The following TENM2 variants were observed in gnomAD, a reference collection of about 807,000 sequenced individuals.
The protein encoded by TENM2 is teneurin-2.
Under a neutral mutation model 245.2 loss-of-function variants are expected in TENM2, and 52 were observed. That is an observed-to-expected ratio of 0.21 (90% CI 0.17 to 0.27). The LOEUF (loss-of-function observed/expected upper bound fraction) is 0.27. Ranked by LOEUF, TENM2 falls within the 10% of genes least tolerant of loss-of-function variation. The pLI, the probability that TENM2 is intolerant of heterozygous loss-of-function variation, is 1.00. For synonymous variants in TENM2, 1,363 were observed against 1,438.9 expected (o/e 0.95, Z 1.19); for missense variants, 3,046 against 3,666.8 (o/e 0.83, Z 4.37).
At chr5:168,084,221 G>A (rs916203068) in intron 7 of TENM2, among the ~76,000 whole-genome samples, 3 of 152,212 alleles carry the variant, frequency 2.0e-5, no homozygotes, top group Admixed American at 1.3e-4. Context: ...ATGAACATAT[G>A]AGTGCATGTG....
chr5:167,842,856 C>T (rs894207733), intron 2 of TENM2, among the ~76,000 whole-genome samples: 12 of 152,244 alleles, frequency 7.9e-5, no homozygotes, highest in African/African-American at 2.2e-4. Context: ...AGGCCAGTGG[C>T]GCACACTTAG....
chr5:168,050,532 C>T (rs1216077505), intron 6 of TENM2, among the ~76,000 whole-genome samples: 4 of 152,208 alleles, frequency 2.6e-5, no homozygotes, highest in Non-Finnish European at 5.9e-5. Flanking sequence ...AACCAAGATA[C>T]ACCACACATT....
rs1779622222 is a variant in TENM2, at chr5:167,641,702, C to T, written c.503-234284C>T. 2.6e-5 allele frequency among the ~76,000 whole-genome samples: 4 copies of T among 152,232 alleles called. No homozygotes were observed. The South Asian group carries it at 8.3e-4, about 32-fold the overall frequency. On this transcript the variant is annotated intron_variant, in intron 2 of 28. Transcript: ENST00000518659. ...TCCACTTCACTTAGAACTCACTGAA[C>T]CTGGGCTAGTTAGTTAACTTTCTCT...
chr5:167,417,872 A>T (rs546315139), intron 2 of TENM2, among the ~76,000 whole-genome samples: 44 of 152,204 alleles, frequency 2.9e-4, no homozygotes, highest in African/African-American at 1.0e-3. Flanking sequence ...CATCTTTTTG[A>T]TAATTTGTGT....
chr5:168,136,207 A>T (rs1211337185), intron 12 of TENM2, among the ~76,000 whole-genome samples: 1 of 152,160 alleles, frequency 6.6e-6, no homozygotes, highest in Admixed American at 6.5e-5. Context: ...GACAGATAGG[A>T]CTGAAATCAC....
Position 167,801,095 on chromosome 5 carries a change from GAAAA to G in TENM2, c.503-74879_503-74876del, listed in dbSNP as rs1176405769. Among the ~76,000 whole-genome samples the G allele has an allele frequency of 4.5e-3, 227 of 50,698 alleles. 3 individuals carry two copies. The highest frequency in any genetic ancestry group is 0.01 in the African/African-American group (149 of 14,382). The allele number at this position is 50,698 out of a possible 152,430, so 33.3% of individuals were successfully genotyped here. ...CCTATACTTTGAATGTATTTGAAAA[GAAAA>G]AAAAAAAAAAATATATATATATATA... is the stretch of plus-strand genomic sequence containing the variant. On this transcript the variant is annotated intron_variant, in intron 2 of 28. Coordinates refer to ENST00000518659, the Ensembl canonical transcript of TENM2.
At chr5:167,141,157 C>T in the TENM2 span, among the ~76,000 whole-genome samples, 2 of 152,238 alleles carry the variant, frequency 1.3e-5, no homozygotes, top group South Asian at 2.1e-4. Flanking sequence ...GAAGGGGGAC[C>T]ACACACTGCG....
intron 9 of TENM2, among the ~76,000 whole-genome samples, chr5:168,114,200 C>CAGA (rs1794891528): frequency 2.6e-5 from 4 of 152,290 alleles, no homozygotes; most frequent in African/African-American, 9.6e-5. Context: ...ACCCTTCCAT[C>CAGA]AATGCTGAAA....
chr5:167,062,441 AG>A, the TENM2 span, among the ~76,000 whole-genome samples: 2 of 152,172 alleles, frequency 1.3e-5, no homozygotes, highest in African/African-American at 4.8e-5. Context: ...AACATAAAAA[AG>A]AACTCAGGTT....
chr5:167,833,406 T>C (rs1768687039), intron 2 of TENM2, among the ~76,000 whole-genome samples: 1 of 152,164 alleles, frequency 6.6e-6, no homozygotes, highest in African/African-American at 2.4e-5. Flanking sequence ...ATGGTGAAAA[T>C]ATCCTCAATC....
At chr5:167,410,775 A>G (rs1041383671) in intron 2 of TENM2, among the ~76,000 whole-genome samples, 3 of 152,064 alleles carry the variant, frequency 2.0e-5, no homozygotes, top group Non-Finnish European at 4.4e-5. Context: ...GAAATATACA[A>G]TGTTTCTGGG....
chr5:167,088,354 C>T, the TENM2 span, among the ~76,000 whole-genome samples: 2 of 152,070 alleles, frequency 1.3e-5, no homozygotes, highest in Non-Finnish European at 2.9e-5. Context: ...TGTTCGGGCG[C>T]GGTGACTCAT....
intron 2 of TENM2, among the ~76,000 whole-genome samples, chr5:167,781,505 C>G (rs1238499626): frequency 6.6e-6 from 1 of 152,206 alleles, no homozygotes. Context: ...AGCATTCATT[C>G]TTCTCCTTTC....
intron 2 of TENM2, among the ~76,000 whole-genome samples, chr5:167,445,338 G>T (rs10223156): frequency 0.013 from 1,150 of 88,106 alleles, 2 homozygotes; most frequent in South Asian, 0.021. Context: ...TATATATATA[G>T]AGAGAGAGAG....
At chr5:168,214,375 G>A (rs1014334716) in intron 20 of TENM2, among the ~76,000 whole-genome samples, 3 of 152,206 alleles carry the variant, frequency 2.0e-5, no homozygotes, top group African/African-American at 7.2e-5. Flanking sequence ...TGACCTCACT[G>A]TTACCTAGAT....
intron 12 of TENM2, among the ~76,000 whole-genome samples, chr5:168,144,332 A>C (rs1353076857): frequency 2.0e-4 from 29 of 142,056 alleles, no homozygotes; most frequent in African/African-American, 5.0e-4. Context: ...CCTCCCCCCT[A>C]CCCCCACCCC....
intron 2 of TENM2, among the ~76,000 whole-genome samples, chr5:167,753,954 A>G (rs777870776): frequency 2.6e-5 from 4 of 152,282 alleles, no homozygotes; most frequent in Admixed American, 1.3e-4. Flanking sequence ...GTAACCATGC[A>G]TAGTCATCCT....
chr5:167,086,455 G>C, the TENM2 span, among the ~76,000 whole-genome samples: 9 of 152,262 alleles, frequency 5.9e-5, no homozygotes, highest in Non-Finnish European at 1.3e-4. Flanking sequence ...TTCTGAAACA[G>C]AGGTCAAAAC....
the TENM2 span, among the ~76,000 whole-genome samples, chr5:167,242,002 G>T: frequency 2.1e-5 from 3 of 145,094 alleles, no homozygotes; most frequent in African/African-American, 7.6e-5. Context: ...TGCTTTGCTT[G>T]TTTTTTTTGT....
Sources: gnomAD v4.1 joint callset for allele counts (sites outside exome capture counted in the v4.1 genomes callset) on GRCh38, gnomAD v4.1.1 for gene constraint, MANE v1.5 for transcripts, NCBI Gene and HGNC (gene_info 2026-07-23, HGNC 2026-07-21) for gene names.